The following CTNNA3 variants were observed in gnomAD, a reference collection of about 807,000 sequenced individuals.
The protein encoded by CTNNA3 is catenin alpha-3.
A neutral mutation model predicts 95.7 loss-of-function variants in CTNNA3; 76 were observed. The observed-to-expected ratio is 0.79, with a 90% CI of 0.66 to 0.96. CTNNA3 has a LOEUF of 0.96. Ranked by LOEUF, CTNNA3 falls within the 40% of genes least tolerant of loss-of-function variation. The pLI, the probability that CTNNA3 is intolerant of heterozygous loss-of-function variation, is 0.00. For missense variants in CTNNA3, 1,191 were observed against 1,089.8 expected (o/e 1.09, Z -1.31); for synonymous variants, 431 against 374.4 (o/e 1.15, Z -1.74).
chr10:66,228,921 A>C (rs535545703), intron 13 of CTNNA3, among the ~76,000 whole-genome samples: 1 of 152,194 alleles, frequency 6.6e-6, no homozygotes, highest in South Asian at 2.1e-4. Flanking sequence ...TTTTTGACTT[A>C]AAGTATTTTA....
At chr10:67,440,534 A>C (rs1002518389) in intron 5 of CTNNA3, among the ~76,000 whole-genome samples, 2 of 152,142 alleles carry the variant, frequency 1.3e-5, no homozygotes, top group African/African-American at 4.8e-5. Flanking sequence ...GGTGAGACCC[A>C]GTGCTGTCCT....
intron 7 of CTNNA3, among the ~76,000 whole-genome samples, chr10:66,797,002 A>G (rs928846294): frequency 6.6e-6 from 1 of 151,936 alleles, no homozygotes; most frequent in African/African-American, 2.4e-5. Flanking sequence ...CTTGAAACAC[A>G]TAAGTTATTC....
At chr10:67,622,064 A>G (rs73268198) in intron 2 of CTNNA3, among the ~76,000 whole-genome samples, 3,367 of 152,240 alleles carry the variant, frequency 0.022, 120 homozygotes, top group African/African-American at 0.077. Context: ...TCAAGCTGCA[A>G]CAGTATCTCA....
At chr10:66,578,548 G>T (rs550753609) in intron 10 of CTNNA3, among the ~76,000 whole-genome samples, 7 of 152,032 alleles carry the variant, frequency 4.6e-5, no homozygotes, top group African/African-American at 1.7e-4. Context: ...CTGTATCAAA[G>T]GCTATTTCTT....
intron 9 of CTNNA3, among the ~76,000 whole-genome samples, chr10:66,745,424 T>C (rs1838821756): frequency 6.6e-6 from 1 of 152,120 alleles, no homozygotes; most frequent in Non-Finnish European, 1.5e-5. Context: ...GTGCAGAATA[T>C]CTAAAGGACT....
chr10:65,934,386 T>C (rs965122862), intron 17 of CTNNA3, among the ~76,000 whole-genome samples: 1 of 152,162 alleles, frequency 6.6e-6, no homozygotes, highest in African/African-American at 2.4e-5. Context: ...CTCCTTGCTC[T>C]GGATATTCAT....
intron 7 of CTNNA3, among the ~76,000 whole-genome samples, chr10:66,935,633 A>AAT (rs976203081): frequency 1.3e-4 from 20 of 151,604 alleles, no homozygotes; most frequent in Non-Finnish European, 2.4e-4. Context: ...TGCCTAAAAA[A>AAT]ATATATATAT....
At chr10:66,464,836 A>G (rs935259851) in intron 11 of CTNNA3, among the ~76,000 whole-genome samples, 11 of 152,014 alleles carry the variant, frequency 7.2e-5, no homozygotes, top group African/African-American at 2.7e-4. Context: ...TGTCTCTTAC[A>G]GGCTAATTGG....
intron 7 of CTNNA3, among the ~76,000 whole-genome samples, chr10:67,140,280 G>C (rs1247034804): frequency 6.6e-6 from 1 of 151,980 alleles, no homozygotes; most frequent in Non-Finnish European, 1.5e-5. Context: ...TTCTCTTTTT[G>C]AGTGTTATGG....
At chr10:66,771,869 C>A (rs1229644962) in intron 8 of CTNNA3, among the ~76,000 whole-genome samples, 2 of 152,090 alleles carry the variant, frequency 1.3e-5, no homozygotes, top group Non-Finnish European at 2.9e-5. Flanking sequence ...AGAATATAAT[C>A]ATTGCTGTAA....
At chr10:67,405,589 T>C (rs1845111357) in intron 5 of CTNNA3, among the ~76,000 whole-genome samples, 1 of 152,104 alleles carries the variant, frequency 6.6e-6, no homozygotes, top group Non-Finnish European at 1.5e-5. Flanking sequence ...TCCCACACAA[T>C]AATAGTGGGA....
intron 5 of CTNNA3, among the ~76,000 whole-genome samples, chr10:67,470,955 CTTT>C (rs966462378): frequency 6.6e-6 from 1 of 151,624 alleles, no homozygotes; most frequent in African/African-American, 2.4e-5. Flanking sequence ...TAATTTTTGT[CTTT>C]TTTATTTATT....
At position 67,606,998 on chromosome 10, in the gene CTNNA3, G is replaced by T. The variant is rs749212121; in HGVS notation, c.151C>A (p.Arg51Ser). Residue 51 changes from arginine to serine, a missense_variant, in exon 3 of 18, where the codon CGT (arginine) becomes AGT (serine). Transcript: ENST00000433211. ...AGAAGGACACTGGCTCTTTTCGAAC[G>T]TCCTTTTTTCCTGCTGGAAGGGTTC... Reference protein sequence around the residue: ...PQNPSSRKKGRSKRASVLLAS... With the variant: ...PQNPSSRKKGSSKRASVLLAS... 1.9e-6 allele frequency: 3 copies of T among 1,613,992 alleles called. No individual in the cohort carries two copies. Among genetic ancestry groups the T allele is most frequent in the Admixed American group, 1.7e-5 (1 of 59,998 alleles).
At chr10:66,406,389 C>T (rs2093057868) in intron 11 of CTNNA3, among the ~76,000 whole-genome samples, 1 of 152,072 alleles carries the variant, frequency 6.6e-6, no homozygotes, top group African/African-American at 2.4e-5. Flanking sequence ...AAAGCTTTTT[C>T]CTGTCCAAGG....
chr10:66,273,214 C>G (rs2091319893), intron 13 of CTNNA3, among the ~76,000 whole-genome samples: 1 of 152,026 alleles, frequency 6.6e-6, no homozygotes, highest in Non-Finnish European at 1.5e-5. Context: ...TTGGGGTCAT[C>G]ATGAAGTAAA....
rs189591191 is a variant in CTNNA3 at position 66,708,725 on chromosome 10, A to G, written c.1281+57539T>C. Among the ~76,000 whole-genome samples, 142 of 152,094 alleles carry G rather than the reference A, an allele frequency of 9.3e-4. 1 individual carries two copies. Among genetic ancestry groups the G allele is most frequent in the Admixed American group, 3.7e-3 (57 of 15,252 alleles). On this transcript the variant is annotated intron_variant, in intron 9 of 17. Transcript: ENST00000433211. The stretch of plus-strand genomic sequence containing the variant: ...ATCACTGAATTTAGAGCCAAAAGAG[A>G]CCTCAAAGTTGATCATGTCTCACCA...
At chr10:66,079,786 C>T (rs1419141496) in intron 14 of CTNNA3, among the ~76,000 whole-genome samples, 2 of 151,910 alleles carry the variant, frequency 1.3e-5, no homozygotes, top group African/African-American at 4.8e-5. Context: ...CCAGATGCAA[C>T]ACCTGTAGTG....
intron 5 of CTNNA3, among the ~76,000 whole-genome samples, chr10:67,341,488 T>A (rs1842189060): frequency 1.3e-5 from 2 of 152,294 alleles, no homozygotes; most frequent in South Asian, 2.1e-4. Context: ...AACTTAATGA[T>A]CTCCAGTTCC....
intron 13 of CTNNA3, among the ~76,000 whole-genome samples, chr10:66,145,537 C>T (rs2083839923): frequency 6.6e-6 from 1 of 152,108 alleles, no homozygotes; most frequent in Admixed American, 6.5e-5. Context: ...GGTTTCTCTA[C>T]TCTAAATGAC....
Sources: gnomAD v4.1 joint callset for allele counts (sites outside exome capture counted in the v4.1 genomes callset) on GRCh38, gnomAD v4.1.1 for gene constraint, MANE v1.5 for transcripts, NCBI Gene and HGNC (gene_info 2026-07-23, HGNC 2026-07-21) for gene names.